CHMP1A: variants seen among roughly 807,000 people sequenced by gnomAD.
CHMP1A encodes VPS46 homolog A.
CHMP1A carries 17 observed loss-of-function variants against 27.0 expected under a neutral mutation model. The ratio of observed to expected loss-of-function variants is 0.63; its 90% CI spans 0.43 to 0.95. The LOEUF is 0.95. CHMP1A is among the 40% of genes least tolerant of loss of function. The pLI, the probability that CHMP1A is intolerant of heterozygous loss-of-function variation, is 0.00. For synonymous variants in CHMP1A, 131 were observed against 107.5 expected, an observed-to-expected ratio of 1.22 and a Z score of -1.35; for missense variants, 275 against 264.0, an observed-to-expected ratio of 1.04 and a Z score of -0.29.
intron 1 of CHMP1A, among the ~76,000 whole-genome samples, chr16:89,657,179 G>A (rs949370359): frequency 6.7e-6 from 1 of 149,470 alleles, no homozygotes; most frequent in Non-Finnish European, 1.5e-5. Flanking sequence ...TCGAGGCCCG[G>A]GAGAAGGGGT....
intron 4 of CHMP1A, among the ~76,000 whole-genome samples, 183 bp from the exon 5 acceptor site, chr16:89,647,514 G>T (rs947831437): frequency 2.0e-5 from 3 of 151,820 alleles, no homozygotes; most frequent in Admixed American, 2.0e-4. Flanking sequence ...CGACGGAAAA[G>T]GCCATGGAGA....
At position 89,646,651 on chromosome 16, in the gene CHMP1A, G is replaced by A. The variant is rs966890290; in HGVS notation, c.445C>T (p.Leu149Phe). The stretch of plus-strand genomic sequence containing the variant: ...TTCTCCTCGGCGATCTGCATGATGA[G>A]GCTGTCCACCTGCTCCTGCGGCGTG... ...LTTPQEQVDS[L>F]IMQIAEENGL... Residue 149 changes from leucine to phenylalanine, a missense_variant, in exon 6 of 7, where the codon CTC (leucine) becomes TTC (phenylalanine). Transcript: ENST00000397901. 6.2e-7 allele frequency: 1 copy of A among 1,610,774 alleles called. No homozygotes were observed. The highest frequency in any genetic ancestry group is 1.3e-5 in the African/African-American group (1 of 74,908).
At position 89,645,909 on chromosome 16, in the gene CHMP1A, C is replaced by A; in HGVS notation, c.*157G>T. 1 of 1,604,820 alleles carries A rather than the reference C, an allele frequency of 6.2e-7. No individual in the cohort carries two copies. Among genetic ancestry groups the A allele is most frequent in the Non-Finnish European group, 8.5e-7 (1 of 1,176,390 alleles). On this transcript the variant is annotated 3_prime_UTR_variant, in exon 7 of 7. Transcript: ENST00000397901. ...ACCGCCCAACCTAAAAGAACAGGAA[C>A]AACCCTAAGGCCACGCAGGCCTGGC... is the stretch of plus-strand genomic sequence containing the variant.
intron 1 of CHMP1A, 28 bp downstream of exon 1, chr16:89,657,554 T>A: frequency 6.2e-7 from 1 of 1,609,446 alleles, no homozygotes; most frequent in Non-Finnish European, 8.5e-7. Flanking sequence ...CGCGCGCGAG[T>A]CCCCGGAGGA....
At chr16:89,653,874 G>C in intron 2 of CHMP1A, 30 bp downstream of exon 2, 2 of 1,610,222 alleles carry the variant, frequency 1.2e-6, no homozygotes, top group East Asian at 2.2e-5. Context: ...ACCAGAACAG[G>C]GCTGGGGTGA....
intron 1 of CHMP1A, among the ~76,000 whole-genome samples, chr16:89,655,379 C>G (rs760701686): frequency 4.0e-5 from 2 of 49,758 alleles, no homozygotes; most frequent in Admixed American, 3.7e-4. Flanking sequence ...CTTTCCCTCA[C>G]CTCAGCTTTC....
In CHMP1A at chr16:89,652,231, G is replaced by A. The variant is rs557948148; in HGVS notation, c.28-585C>T. On this transcript the variant is annotated intron_variant, in intron 2 of 6. Transcript: ENST00000397901. ...ACACAGGACCTCTGGCAACCCACCC[G>A]GAACCACAGACGCCCTGGTACCAGG... 8.5e-5 allele frequency among the ~76,000 whole-genome samples: 13 copies of A among 152,174 alleles called. No homozygotes were observed. In the South Asian group the frequency reaches 2.1e-3, roughly 24 times the overall value.
chr16:89,650,840 C>T (rs1203276869), intron 3 of CHMP1A, among the ~76,000 whole-genome samples: 1 of 151,434 alleles, frequency 6.6e-6, no homozygotes, highest in Non-Finnish European at 1.5e-5. Flanking sequence ...AGACAGCTAG[C>T]TAGCAGCCCT....
intron 1 of CHMP1A, among the ~76,000 whole-genome samples, chr16:89,654,416 T>C (rs2059848173): frequency 6.6e-6 from 1 of 152,158 alleles, no homozygotes; most frequent in Non-Finnish European, 1.5e-5. Context: ...TGGGCCAATT[T>C]AAAAGTTCAG....
At chr16:89,652,057 C>T (rs1225209652) in intron 2 of CHMP1A, among the ~76,000 whole-genome samples, 1 of 152,360 alleles carries the variant, frequency 6.6e-6, no homozygotes, top group East Asian at 1.9e-4. Flanking sequence ...AGTCATAACA[C>T]AGAACTCCAG....
chr16:89,657,598 G>A lies in CHMP1A; in HGVS notation c.-10C>T. The A allele has an allele frequency of 6.2e-7, 1 of 1,611,288 alleles. No individual in the cohort carries two copies. The highest frequency in any genetic ancestry group is 8.5e-7 in the Non-Finnish European group (1 of 1,179,276). ...ACCTCTTACCGTCCATGGCCACAATGACAGGAGCAGCACTCGGAGAGGGAG... is the reference window on the plus strand; with the variant it reads ...ACCTCTTACCGTCCATGGCCACAATAACAGGAGCAGCACTCGGAGAGGGAG... On this transcript the variant is annotated 5_prime_UTR_variant, in exon 1 of 7. Coordinates refer to ENST00000397901, the MANE Select transcript of CHMP1A (RefSeq NM_002768.5).
In CHMP1A at chr16:89,645,918, G is replaced by C. The variant is rs757300622; in HGVS notation, c.*148C>G. The C allele has an allele frequency of 1.2e-6, 2 of 1,609,284 alleles. No homozygotes were observed. Among genetic ancestry groups the C allele is most frequent in the Admixed American group, 3.4e-5 (2 of 59,488 alleles). ...CCTAAAAGAACAGGAACAACCCTAAGGCCACGCAGGCCTGGCAGGTGAGAG... is the reference window on the plus strand; with the variant it reads ...CCTAAAAGAACAGGAACAACCCTAACGCCACGCAGGCCTGGCAGGTGAGAG... On this transcript the variant is annotated 3_prime_UTR_variant, in exon 7 of 7. Transcript: ENST00000397901.
chr16:89,654,039 C>G (rs184995326), intron 1 of CHMP1A, 116 bp from the exon 2 acceptor site: 4 of 1,110,834 alleles, frequency 3.6e-6, no homozygotes, highest in African/African-American at 1.5e-5. Flanking sequence ...CACACACAGA[C>G]CACACCTGCC....
chr16:89,650,385 G>C (rs1415305284), intron 3 of CHMP1A, among the ~76,000 whole-genome samples: 1 of 152,100 alleles, frequency 6.6e-6, no homozygotes, highest in Non-Finnish European at 1.5e-5. Context: ...CATGGGGAGG[G>C]GACCCCTCCT....
chr16:89,647,019 G>C, intron 5 of CHMP1A, 184 bp downstream of exon 5: 1 of 1,511,870 alleles, frequency 6.6e-7, no homozygotes, highest in Non-Finnish European at 8.9e-7. Flanking sequence ...GGCCCCCGCC[G>C]CCCTGCCCAC....
chr16:89,645,091 C>G lies in CHMP1A; in HGVS notation c.*975G>C, dbSNP rs1268613573. ...CCCAGCTGAAGACGGCTCTCCTGAG[C>G]TCCCTTCATCAGCTGCCTTGGCTTC... On this transcript the variant is annotated 3_prime_UTR_variant, in exon 7 of 7. Coordinates refer to ENST00000397901, the MANE Select transcript of CHMP1A (RefSeq NM_002768.5). 2.0e-5 allele frequency: 3 copies of G among 152,366 alleles called. No individual in the cohort carries two copies. Among genetic ancestry groups the G allele is most frequent in the African/African-American group, 7.2e-5 (3 of 41,474 alleles). The allele number at this position is 152,366 out of a possible 1,614,324, so 9.4% of individuals were successfully genotyped here.
chr16:89,646,129 G>T, intron 6 of CHMP1A, 42 bp from the exon 7 acceptor site: 1 of 1,508,014 alleles, frequency 6.6e-7, no homozygotes, highest in Non-Finnish European at 8.9e-7. Flanking sequence ...CAGGGGAAGG[G>T]GGCCTCTGAC....
At position 89,645,599 on chromosome 16, in the gene CHMP1A, C is replaced by T; in HGVS notation, c.*467G>A. 6 of 252,976 alleles carry T rather than the reference C, an allele frequency of 2.4e-5. No individual in the cohort carries two copies. Among genetic ancestry groups the T allele is most frequent in the South Asian group, 7.5e-5 (2 of 26,594 alleles). 15.7% of individuals were successfully genotyped at this position (252,976 alleles called of 1,614,324 possible). A position where few individuals can be genotyped will look rare whatever the true frequency, so the allele number is the denominator to read the frequency against. ...TTGGGTGGCACCTGACATCCCCCAG[C>T]ACACATAGACCTGTGGTGCCTCCTT... is the stretch of plus-strand genomic sequence containing the variant. On this transcript the variant is annotated 3_prime_UTR_variant, in exon 7 of 7. Transcript: ENST00000397901.
At chr16:89,655,158 G>A (rs1041415305) in intron 1 of CHMP1A, among the ~76,000 whole-genome samples, 1 of 152,096 alleles carries the variant, frequency 6.6e-6, no homozygotes, top group Non-Finnish European at 1.5e-5. Context: ...GTTCCAGAAA[G>A]CTCTGGGCAT....
Sources: allele counts gnomAD v4.1 joint callset (sites outside exome capture counted in the v4.1 genomes callset), GRCh38; gene constraint gnomAD v4.1.1; transcripts MANE v1.5; gene names NCBI Gene and HGNC (gene_info 2026-07-23, HGNC 2026-07-21).